Variants in MYO16 observed in about 807,000 individuals in gnomAD.
The protein encoded by MYO16 is myosin XVI, also known as unconventional myosin-XVI.
Under a neutral mutation model 205.3 loss-of-function variants are expected in MYO16, and 94 were observed. That is an observed-to-expected ratio of 0.46 (90% CI 0.39 to 0.54). The LOEUF is 0.54. Ranked by LOEUF, MYO16 falls within the 20% of genes least tolerant of loss-of-function variation. The pLI is 0.00. For synonymous variants in MYO16, 988 were observed against 954.0 expected (o/e 1.04, Z -0.66); for missense variants, 2,315 against 2,387.5 (o/e 0.97, Z 0.63).
the MYO16 span, among the ~76,000 whole-genome samples, chr13:108,528,622 TCTC>T: frequency 1.7e-4 from 1 of 5,888 alleles, no homozygotes; most frequent in Admixed American, 1.9e-3. Context: ...TCCCCTCCCC[TCTC>T]CCCCTCCCCT....
chr13:109,143,916 G>A (rs1877211231), intron 32 of MYO16, among the ~76,000 whole-genome samples: 1 of 152,066 alleles, frequency 6.6e-6, no homozygotes, highest in Non-Finnish European at 1.5e-5. Context: ...AGTTGCTGTA[G>A]TAATAGAAAA....
intron 2 of MYO16, among the ~76,000 whole-genome samples, chr13:108,694,645 T>C (rs1883021503): frequency 6.6e-6 from 1 of 152,244 alleles, no homozygotes; most frequent in African/African-American, 2.4e-5. Flanking sequence ...TGCAAATATT[T>C]TATCTCATTC....
chr13:109,167,681 C>A (rs963413563), intron 33 of MYO16, among the ~76,000 whole-genome samples: 1 of 152,116 alleles, frequency 6.6e-6, no homozygotes, highest in African/African-American at 2.4e-5. Flanking sequence ...TAAAACTTTC[C>A]TAGGTGTATC....
the MYO16 span, among the ~76,000 whole-genome samples, chr13:108,519,733 A>G: frequency 6.6e-6 from 1 of 152,062 alleles, no homozygotes; most frequent in Non-Finnish European, 1.5e-5. Context: ...AGGCTATCTA[A>G]GCATTATGCA....
intron 16 of MYO16, among the ~76,000 whole-genome samples, chr13:108,925,585 C>T (rs1881962726): frequency 6.6e-6 from 1 of 152,180 alleles, no homozygotes; most frequent in Admixed American, 6.5e-5. Context: ...CAAGTCTTCC[C>T]TGTCCCAGTA....
At chr13:108,964,931 T>C (rs772393180) in intron 20 of MYO16, 29 bp downstream of exon 20, 4 of 1,607,186 alleles carry the variant, frequency 2.5e-6, no homozygotes, top group Non-Finnish European at 3.4e-6. Context: ...TCGGTTCTGT[T>C]GTCATTACTG....
chr13:109,004,556 G>A (rs925470376), intron 21 of MYO16, among the ~76,000 whole-genome samples: 1 of 152,070 alleles, frequency 6.6e-6, no homozygotes, highest in Non-Finnish European at 1.5e-5. Flanking sequence ...TAGATGTACT[G>A]CTTGAACAGT....
chr13:108,883,503 G>A (rs1243107140), intron 13 of MYO16, among the ~76,000 whole-genome samples: 3 of 152,044 alleles, frequency 2.0e-5, no homozygotes, highest in Non-Finnish European at 4.4e-5. Flanking sequence ...CCAATATTAC[G>A]GAACCTAAGC....
chr13:108,964,053 C>A (rs182334266), intron 19 of MYO16, among the ~76,000 whole-genome samples: 4 of 152,208 alleles, frequency 2.6e-5, no homozygotes, highest in Non-Finnish European at 5.9e-5. Flanking sequence ...ACGTGGACCC[C>A]GCCCTGTTCC....
Position 108,785,736 on chromosome 13 carries a change from T to A in MYO16, c.609T>A (p.Asp203Glu), listed in dbSNP as rs911973. Residue 203 changes from aspartate (D) to glutamate (E), a missense_variant, in exon 5 of 35, where the codon GAT (aspartate) becomes GAA (glutamate). Asp to Glu is a conservative substitution (Grantham distance 45). Transcript: ENST00000457511. The stretch of plus-strand genomic sequence containing the variant: ...GCTCTATCCTGTTGACCTATCTGGA[T>A]GAAAATGGTAGGCAAAAACTTTTAA... ...ESSSILLTYL[D>E]ENGVDLTSLR... is the part of the protein sequence containing the mutation. 0.041 allele frequency: 65,612 copies of A among 1,597,600 alleles called. 2,996 individuals are homozygous for A. Among genetic ancestry groups the A allele is most frequent in the East Asian group, 0.25 (11,094 of 44,760 alleles).
At chr13:108,570,743 T>C in the MYO16 span, among the ~76,000 whole-genome samples, 1 of 152,222 alleles carries the variant, frequency 6.6e-6, no homozygotes, top group African/African-American at 2.4e-5. Flanking sequence ...CAGAACTTTA[T>C]ACAAATTTAA....
chr13:109,109,326 GAGA>G (rs1287238187), intron 28 of MYO16, among the ~76,000 whole-genome samples: 5 of 152,222 alleles, frequency 3.3e-5, no homozygotes, highest in Admixed American at 1.3e-4. Context: ...TCACCACAAG[GAGA>G]AGGTGTGTTT....
Position 108,644,401 on chromosome 13 carries a change from TATCTATCTATCTATC to T in MYO16, c.28+14534_28+14548del, listed in dbSNP as rs150043382. Among the ~76,000 whole-genome samples the T allele has an allele frequency of 7.1e-3, 1,078 of 150,960 alleles. 10 individuals carry two copies. The highest frequency in any genetic ancestry group is 0.033 in the South Asian group (155 of 4,652). Reference sequence around the variant, plus strand: ...CTATCTATCTATCTATCTATCTATCTATCTATCTATCTATCATCTGTTTAAATTACTGCAACCCAT... The same window carrying T: ...CTATCTATCTATCTATCTATCTATCTATCTGTTTAAATTACTGCAACCCAT... On this transcript the variant is annotated intron_variant, in intron 1 of 34. Transcript: ENST00000457511.
At chr13:108,996,186 A>G (rs988016052) in intron 21 of MYO16, among the ~76,000 whole-genome samples, 1 of 152,268 alleles carries the variant, frequency 6.6e-6, no homozygotes, top group Non-Finnish European at 1.5e-5. Context: ...TATAATAAGT[A>G]CAATACTAGT....
intron 16 of MYO16, among the ~76,000 whole-genome samples, chr13:108,947,539 C>T (rs1387949074): frequency 6.6e-6 from 1 of 152,198 alleles, no homozygotes; most frequent in African/African-American, 2.4e-5. Context: ...CAGCTTCACT[C>T]ACTGAAATAT....
rs150582820 is a variant in MYO16 at position 108,738,543 on chromosome 13, T to A, written c.507+10960T>A. Among the ~76,000 whole-genome samples the A allele has an allele frequency of 5.5e-3, 833 of 152,222 alleles. 6 individuals are homozygous for A. The highest frequency in any genetic ancestry group is 0.019 in the African/African-American group (779 of 41,536). ...CTGTTCTTTTACATTTGCTGAGGAG[T>A]GCTTTACTTCCAACTATGTGGTCAA... On this transcript the variant is annotated intron_variant, in intron 4 of 34. Coordinates refer to ENST00000457511, the MANE Select transcript of MYO16 (RefSeq NM_001198950.3).
chr13:109,062,402 CA>C (rs1462457130), intron 27 of MYO16, among the ~76,000 whole-genome samples: 2 of 152,074 alleles, frequency 1.3e-5, no homozygotes, highest in African/African-American at 4.8e-5. Flanking sequence ...AGACCATAGG[CA>C]TACTGTAAAA....
chr13:109,203,455 A>G (rs2139976587), intron 34 of MYO16, among the ~76,000 whole-genome samples: 1 of 151,802 alleles, frequency 6.6e-6, no homozygotes, highest in South Asian at 2.1e-4. Flanking sequence ...TAATTTAACC[A>G]GGAACATGTT....
upstream of MYO16, among the ~76,000 whole-genome samples, chr13:108,624,956 C>A (rs1879678705): frequency 6.6e-6 from 1 of 152,086 alleles, no homozygotes; most frequent in Admixed American, 6.5e-5. Flanking sequence ...TACATCAGTA[C>A]TCTATGAAAG....
Sources: allele counts gnomAD v4.1 joint callset (sites outside exome capture counted in the v4.1 genomes callset), GRCh38; gene constraint gnomAD v4.1.1; transcripts MANE v1.5; gene names NCBI Gene and HGNC (gene_info 2026-07-23, HGNC 2026-07-21).